SCAPER: variants seen among roughly 807,000 people sequenced by gnomAD.
SCAPER encodes the protein S phase cyclin A-associated protein in the endoplasmic reticulum.
A neutral mutation model predicts 182.2 loss-of-function variants in SCAPER; 98 were observed. The observed-to-expected ratio is 0.54, with a 90% CI of 0.46 to 0.64. The LOEUF is 0.64. Ranked by LOEUF, SCAPER falls within the 30% of genes least tolerant of loss-of-function variation. The probability of loss-of-function intolerance (pLI) is 0.00; values close to 1 mark genes in which losing one functional copy is unlikely to be tolerated. For missense variants in SCAPER, 1,432 were observed against 1,690.0 expected (o/e 0.85, Z 2.68); for synonymous variants, 605 against 564.6 (o/e 1.07, Z -1.01).
At chr15:76,707,531 A>G (rs1161404767) in intron 17 of SCAPER, among the ~76,000 whole-genome samples, 3 of 152,156 alleles carry the variant, frequency 2.0e-5, no homozygotes, top group South Asian at 2.1e-4. Flanking sequence ...AAAGAGGAAT[A>G]TTTTATAATG....
intron 25 of SCAPER, among the ~76,000 whole-genome samples, chr15:76,456,749 C>A (rs1207654003): frequency 6.6e-6 from 1 of 152,124 alleles, no homozygotes; most frequent in Non-Finnish European, 1.5e-5. Flanking sequence ...GTTTCTTTCT[C>A]CCTTATATTC....
intron 5 of SCAPER, among the ~76,000 whole-genome samples, chr15:76,829,116 C>T (rs1040302041): frequency 6.6e-6 from 1 of 152,172 alleles, no homozygotes; most frequent in African/African-American, 2.4e-5. Flanking sequence ...TGAAATACTA[C>T]TCAGCCATAA....
At chr15:76,615,510 C>G (rs1304668766) in intron 22 of SCAPER, among the ~76,000 whole-genome samples, 2 of 150,996 alleles carry the variant, frequency 1.3e-5, no homozygotes, top group Admixed American at 6.6e-5. Flanking sequence ...CACACACACA[C>G]ACACACACAC....
At chr15:76,554,648 AT>A (rs199821578) in intron 23 of SCAPER, among the ~76,000 whole-genome samples, 7,420 of 150,280 alleles carry the variant, frequency 0.049, 258 homozygotes, top group Middle Eastern at 0.097. Context: ...TCGACATAAA[AT>A]AAAAAAAGAA....
rs11852924 is a variant in SCAPER, at chr15:76,610,182, C to T, written c.2711+11582G>A. The stretch of plus-strand genomic sequence containing the variant: ...GCACTGTGCGCCCACTCCCAGCTTT[C>T]AACATCACTGACCCCACAGTTTATG... On this transcript the variant is annotated intron_variant, in intron 22 of 31. Transcript: ENST00000563290. Among the ~76,000 whole-genome samples, 1,236 of 152,268 alleles carry T rather than the reference C, an allele frequency of 8.1e-3. 11 individuals carry two copies. Among genetic ancestry groups the T allele is most frequent in the African/African-American group, 0.028 (1,172 of 41,524 alleles).
chr15:76,438,923 G>A (rs2047379595), intron 25 of SCAPER, among the ~76,000 whole-genome samples: 2 of 152,150 alleles, frequency 1.3e-5, no homozygotes, highest in South Asian at 4.2e-4. Flanking sequence ...TTATTCAAAT[G>A]GTCCCAGAAA....
intron 24 of SCAPER, among the ~76,000 whole-genome samples, chr15:76,486,489 T>C (rs1006945657): frequency 1.3e-5 from 2 of 148,726 alleles, no homozygotes; most frequent in African/African-American, 2.5e-5. Context: ...CATCCATCTA[T>C]AAGGAACTTA....
intron 25 of SCAPER, among the ~76,000 whole-genome samples, chr15:76,435,613 T>C (rs80195261): frequency 6.6e-6 from 1 of 152,256 alleles, no homozygotes; most frequent in South Asian, 2.1e-4. Context: ...TTTCTTTCCA[T>C]ACAGTTCTCT....
At chr15:76,744,689 G>A (rs980042504) in intron 15 of SCAPER, among the ~76,000 whole-genome samples, 2 of 152,184 alleles carry the variant, frequency 1.3e-5, no homozygotes, top group Non-Finnish European at 1.5e-5. Flanking sequence ...TGGTGGGAAT[G>A]TAAATTAGTT....
intron 8 of SCAPER, among the ~76,000 whole-genome samples, chr15:76,788,277 T>C (rs62028743): frequency 0.05 from 7,660 of 152,314 alleles, 271 homozygotes; most frequent in Middle Eastern, 0.092. Flanking sequence ...GTGATAGTTG[T>C]ACATTATGTG....
chr15:76,715,958 C>T (rs1339294485), intron 17 of SCAPER, among the ~76,000 whole-genome samples: 1 of 152,114 alleles, frequency 6.6e-6, no homozygotes, highest in African/African-American at 2.4e-5. Context: ...AGACCCTAAG[C>T]CCAGAAACTT....
intron 23 of SCAPER, among the ~76,000 whole-genome samples, chr15:76,548,987 C>A (rs1157279128): frequency 6.6e-6 from 1 of 152,156 alleles, no homozygotes; most frequent in Non-Finnish European, 1.5e-5. Context: ...GCAAAAGAAA[C>A]TACCATCAGA....
At chr15:76,658,882 C>G (rs1027991553) in intron 21 of SCAPER, among the ~76,000 whole-genome samples, 3 of 152,136 alleles carry the variant, frequency 2.0e-5, no homozygotes, top group African/African-American at 7.2e-5. Context: ...GAAGCTAAAA[C>G]TGAACCTCTT....
chr15:76,715,650 C>T (rs1330194664), intron 17 of SCAPER, among the ~76,000 whole-genome samples: 1 of 152,118 alleles, frequency 6.6e-6, no homozygotes, highest in African/African-American at 2.4e-5. Context: ...CCACCACATG[C>T]TCCTCATCAC....
chr15:76,778,939 G>C (rs879680948), intron 8 of SCAPER, among the ~76,000 whole-genome samples: 1 of 151,988 alleles, frequency 6.6e-6, no homozygotes, highest in Non-Finnish European at 1.5e-5. Context: ...AATAAATCAG[G>C]AGAGGGTAAG....
At chr15:76,478,308 A>C (rs915786418) in intron 24 of SCAPER, among the ~76,000 whole-genome samples, 3 of 152,092 alleles carry the variant, frequency 2.0e-5, no homozygotes, top group Admixed American at 6.5e-5. Context: ...AAATATGACA[A>C]ATGGTTAATA....
intron 23 of SCAPER, among the ~76,000 whole-genome samples, chr15:76,565,361 G>T (rs560023360): frequency 6.6e-6 from 1 of 152,156 alleles, no homozygotes; most frequent in South Asian, 2.1e-4. Flanking sequence ...TACAAAGTGG[G>T]CAAAGGGCAA....
chr15:76,453,462 G>C (rs1023110628), intron 25 of SCAPER, among the ~76,000 whole-genome samples: 39 of 152,144 alleles, frequency 2.6e-4, no homozygotes, highest in African/African-American at 8.9e-4. Flanking sequence ...AAGATTACAG[G>C]TTATTTTGAG....
chr15:76,749,014 T>C (rs1016706858), intron 15 of SCAPER, among the ~76,000 whole-genome samples: 7 of 151,852 alleles, frequency 4.6e-5, no homozygotes, highest in Admixed American at 3.9e-4. Context: ...CCTAAATCAC[T>C]TTACAAAGCC....
Sources: gnomAD v4.1 joint callset for allele counts (sites outside exome capture counted in the v4.1 genomes callset) on GRCh38, gnomAD v4.1.1 for gene constraint, MANE v1.5 for transcripts, NCBI Gene and HGNC (gene_info 2026-07-23, HGNC 2026-07-21) for gene names.